Variants in RBFOX3 observed in about 807,000 individuals in gnomAD.
The protein encoded by RBFOX3 is RNA binding protein fox-1 homolog 3.
Under a neutral mutation model 48.7 loss-of-function variants are expected in RBFOX3, and 17 were observed. The observed-to-expected ratio is 0.35, with a 90% CI of 0.24 to 0.52. The LOEUF (loss-of-function observed/expected upper bound fraction) is 0.52, where lower values mean the gene tolerates loss of function less well. Ranked by LOEUF, RBFOX3 falls within the 20% of genes least tolerant of loss-of-function variation. RBFOX3 has a pLI of 0.94. For synonymous variants in RBFOX3, 212 were observed against 209.5 expected (o/e 1.01, Z -0.10); for missense variants, 382 against 497.5 (o/e 0.77, Z 2.21).
At chr17:79,608,112 G>T (rs1165380176) in intron 1 of RBFOX3, among the ~76,000 whole-genome samples, 2 of 152,216 alleles carry the variant, frequency 1.3e-5, no homozygotes, top group Non-Finnish European at 2.9e-5. Context: ...GGGCGAGGAG[G>T]GCAGGCTGTG....
At chr17:79,530,888 T>G (rs1211103949) in intron 1 of RBFOX3, among the ~76,000 whole-genome samples, 3 of 152,202 alleles carry the variant, frequency 2.0e-5, no homozygotes, top group Non-Finnish European at 4.4e-5. Context: ...TAACTCACGT[T>G]GTAAATATTC....
intron 1 of RBFOX3, among the ~76,000 whole-genome samples, chr17:79,594,657 C>T (rs955601173): frequency 1.3e-5 from 2 of 152,156 alleles, no homozygotes; most frequent in Admixed American, 1.3e-4. Flanking sequence ...TGAGCAGAGC[C>T]AATTTTTTAA....
chr17:79,466,698 T>C (rs2076358598), intron 2 of RBFOX3, among the ~76,000 whole-genome samples: 1 of 152,202 alleles, frequency 6.6e-6, no homozygotes, highest in Non-Finnish European at 1.5e-5. Context: ...GAAAGCGATT[T>C]TGCTAATTTT....
chr17:79,381,339 G>A (rs1193066159), intron 2 of RBFOX3, among the ~76,000 whole-genome samples: 1 of 151,990 alleles, frequency 6.6e-6, no homozygotes, highest in Non-Finnish European at 1.5e-5. Flanking sequence ...TCTAAACATT[G>A]TCAGGTCGAC....
chr17:79,393,086 CA>C (rs2061543727), intron 2 of RBFOX3, among the ~76,000 whole-genome samples: 1 of 152,170 alleles, frequency 6.6e-6, no homozygotes, highest in Non-Finnish European at 1.5e-5. Context: ...CCTGTGCCCC[CA>C]AAATATGTAG....
chr17:79,363,702 G>A lies in RBFOX3; in HGVS notation c.-174-55878C>T, dbSNP rs769486257. Among the ~76,000 whole-genome samples the A allele has an allele frequency of 3.3e-5, 5 of 151,790 alleles. No individual in the cohort carries two copies. Among genetic ancestry groups the A allele is most frequent in the Admixed American group, 6.6e-5 (1 of 15,242 alleles). On this transcript the variant is annotated intron_variant, in intron 2 of 14. Coordinates refer to ENST00000693108, the MANE Select transcript of RBFOX3 (RefSeq NM_001350451.2). This position sits in a 1 kb window ranked among gnomAD's most constrained non-coding sequence, Gnocchi z 4.7. ...ACCAGCAGGTGTTTCAGGGACCTCC[G>A]ACACGCCTCCAGAGCCCCCAACACC...
intron 4 of RBFOX3, among the ~76,000 whole-genome samples, chr17:79,190,432 C>CGACAACAAA (rs1555596697): frequency 8.7e-6 from 1 of 114,736 alleles, no homozygotes; most frequent in Non-Finnish European, 1.8e-5. Flanking sequence ...AAAAAAAAAA[C>CGACAACAAA]AAAAAAACAG....
intron 1 of RBFOX3, among the ~76,000 whole-genome samples, chr17:79,555,305 T>C (rs2091545068): frequency 3.1e-5 from 1 of 32,028 alleles, no homozygotes; most frequent in Non-Finnish European, 7.2e-5. Context: ...GTGGTGATGA[T>C]GGTAGTTGTG....
intron 3 of RBFOX3, among the ~76,000 whole-genome samples, chr17:79,270,223 C>T (rs927257593): frequency 2.6e-5 from 4 of 152,226 alleles, no homozygotes; most frequent in Admixed American, 2.0e-4. Flanking sequence ...CCAGGGCCCC[C>T]GCCATGGTTT....
At chr17:79,637,785 GGGGAAGAGAA>G in the RBFOX3 span, among the ~76,000 whole-genome samples, 1 of 64,296 alleles carries the variant, frequency 1.6e-5, no homozygotes, top group Non-Finnish European at 3.4e-5. Flanking sequence ...GGGGAAGGGA[GGGGAAGAGAA>G]GGGAAGGGAA....
intron 2 of RBFOX3, among the ~76,000 whole-genome samples, chr17:79,408,087 G>T (rs1396707354): frequency 1.3e-5 from 2 of 152,148 alleles, no homozygotes; most frequent in Non-Finnish European, 2.9e-5. Context: ...CCAGGAAGCT[G>T]CTTCTGATCT....
intron 2 of RBFOX3, among the ~76,000 whole-genome samples, chr17:79,381,830 T>C (rs9895969): frequency 0.79 from 119,774 of 151,916 alleles, 47,242 homozygotes; most frequent in Middle Eastern, 0.87. Flanking sequence ...TCCCTGGACT[T>C]GAGAGCCCCA....
At chr17:79,453,168 A>G (rs2073859533) in intron 2 of RBFOX3, among the ~76,000 whole-genome samples, 1 of 152,254 alleles carries the variant, frequency 6.6e-6, no homozygotes, top group Admixed American at 6.5e-5. Context: ...TAGCCGTGTC[A>G]TTCTACACAT....
At chr17:79,095,269 A>G (rs8064488) in intron 13 of RBFOX3, among the ~76,000 whole-genome samples, 6,883 of 152,088 alleles carry the variant, frequency 0.045, 395 homozygotes, top group East Asian at 0.22. Flanking sequence ...GGGACTGGGA[A>G]TCAGAGATGC....
chr17:79,263,118 C>T lies in RBFOX3; in HGVS notation c.-73-27313G>A, dbSNP rs74356417. On this transcript the variant is annotated intron_variant, in intron 3 of 14. Coordinates refer to ENST00000693108, the MANE Select transcript of RBFOX3 (RefSeq NM_001350451.2). ...CAGGCCTAGCGTGCCCCTCCAGGGTCCCAGGGCCCCGCGAAGCCACCCTGA... is the reference window on the plus strand; with the variant it reads ...CAGGCCTAGCGTGCCCCTCCAGGGTTCCAGGGCCCCGCGAAGCCACCCTGA... 4.3e-4 allele frequency among the ~76,000 whole-genome samples: 66 copies of T among 152,294 alleles called. 1 individual carries two copies. In the East Asian group the frequency reaches 0.013, roughly 29 times the overall value.
At chr17:79,327,666 T>C (rs1029714302) in intron 2 of RBFOX3, among the ~76,000 whole-genome samples, 3 of 152,188 alleles carry the variant, frequency 2.0e-5, no homozygotes, top group Non-Finnish European at 4.4e-5. Flanking sequence ...ATACTTCTGG[T>C]TTTGCCAAGC....
chr17:79,305,206 G>T (rs1302633343), intron 3 of RBFOX3, among the ~76,000 whole-genome samples: 1 of 152,090 alleles, frequency 6.6e-6, no homozygotes, highest in South Asian at 2.1e-4. Flanking sequence ...GCCACTAAAG[G>T]GTTCTTGCCT....
chr17:79,184,689 A>G (rs931362929), intron 4 of RBFOX3, among the ~76,000 whole-genome samples: 1 of 152,200 alleles, frequency 6.6e-6, no homozygotes, highest in African/African-American at 2.4e-5. Flanking sequence ...CCAGGCACCC[A>G]GTACCCATTC....
At chr17:79,544,471 C>G (rs200166257) in intron 1 of RBFOX3, among the ~76,000 whole-genome samples, 1 of 152,158 alleles carries the variant, frequency 6.6e-6, no homozygotes, top group Middle Eastern at 3.4e-3. Context: ...GACAGAGAAG[C>G]ACAGAATGAA....
Sources: gnomAD v4.1 joint callset for allele counts (sites outside exome capture counted in the v4.1 genomes callset) on GRCh38, gnomAD v4.1.1 for gene constraint, Gnocchi (gnomAD v3.1) non-coding constraint, MANE v1.5 for transcripts, NCBI Gene and HGNC (gene_info 2026-07-23, HGNC 2026-07-21) for gene names.